The following ABCA13 variants were observed in gnomAD, a reference collection of about 807,000 sequenced individuals.
The protein encoded by ABCA13 is ATP-binding cassette sub-family A member 13.
ABCA13 carries 476 observed loss-of-function variants against 478.7 expected under a neutral mutation model. The ratio of observed to expected loss-of-function variants is 0.99; its 90% confidence interval spans 0.92 to 1.07. The LOEUF (loss-of-function observed/expected upper bound fraction) is 1.07, where lower values mean the gene tolerates loss of function less well. ABCA13 is among the 50% of genes least tolerant of loss of function. The pLI is 0.00. For missense variants in ABCA13, 6,060 were observed against 5,910.6 expected, an observed-to-expected ratio of 1.03 and a Z score of -0.83; for synonymous variants, 2,252 against 2,158.9, an observed-to-expected ratio of 1.04 and a Z score of -1.20.
At chr7:48,411,008 TTTCTTTC>T in intron 40 of ABCA13, among the ~76,000 whole-genome samples, 1 of 113,072 alleles carries the variant, frequency 8.8e-6, no homozygotes, top group East Asian at 2.7e-4. Flanking sequence ...TCTTTCTTTC[TTTCTTTC>T]TTTCTTTCTT....
chr7:48,616,532 G>A (rs1792587831), intron 59 of ABCA13, among the ~76,000 whole-genome samples: 1 of 152,182 alleles, frequency 6.6e-6, no homozygotes, highest in African/African-American at 2.4e-5. Flanking sequence ...GCAGGACGAA[G>A]CACATGGGGA....
At chr7:48,640,925 A>T (rs894529015) in intron 59 of ABCA13, among the ~76,000 whole-genome samples, 3 of 152,172 alleles carry the variant, frequency 2.0e-5, no homozygotes, top group Non-Finnish European at 2.9e-5. Flanking sequence ...TGTTTCAGGC[A>T]TATTTTCTCT....
At position 48,412,336 on chromosome 7, in the gene ABCA13, CT is replaced by C. The variant is rs78680236; in HGVS notation, c.12229-9del. 4.4e-6 allele frequency: 7 copies of C among 1,575,232 alleles called. No homozygotes were observed. The highest frequency in any genetic ancestry group is 3.5e-5 in the South Asian group (3 of 86,308). On this transcript the variant is annotated splice_polypyrimidine_tract_variant and intron_variant, in intron 40 of 61. Transcript: ENST00000435803. ...ACATTCCTTACTGGCTTCTTTTTTC[CT>C]TTTTTTTATGGATAGCCTTCTGTTC...
intron 38 of ABCA13, among the ~76,000 whole-genome samples, chr7:48,399,518 A>G (rs1329539940): frequency 6.6e-6 from 1 of 152,210 alleles, no homozygotes; most frequent in Non-Finnish European, 1.5e-5. Flanking sequence ...ACTAGTCAGA[A>G]GAGGATGCAT....
At chr7:48,202,244 T>G (rs1798870105) in intron 3 of ABCA13, among the ~76,000 whole-genome samples, 1 of 152,178 alleles carries the variant, frequency 6.6e-6, no homozygotes, top group Non-Finnish European at 1.5e-5. Context: ...TCCTGCTGAT[T>G]GGTAGAGCCG....
At chr7:48,629,316 G>A (rs1793946812) in intron 59 of ABCA13, among the ~76,000 whole-genome samples, 1 of 152,094 alleles carries the variant, frequency 6.6e-6, no homozygotes, top group Non-Finnish European at 1.5e-5. Context: ...TGTAAATATA[G>A]CCTAGGCACA....
chr7:48,253,853 A>G (rs139147446), intron 15 of ABCA13, among the ~76,000 whole-genome samples: 38 of 152,188 alleles, frequency 2.5e-4, no homozygotes, highest in African/African-American at 9.2e-4. Flanking sequence ...TCTTTGAACA[A>G]TTCCATATTA....
In ABCA13 at chr7:48,248,373, G is replaced by A. The variant is rs754466982; in HGVS notation, c.1794G>A (p.Leu598=). 20 of 1,613,646 alleles carry A rather than the reference G, an allele frequency of 1.2e-5. No individual in the cohort carries two copies. The African/African-American group carries it at 2.0e-4, about 16-fold the overall frequency. ...ASLSCTRLFL[L]LGADPSPEND... The stretch of plus-strand genomic sequence containing the variant: ...TTTCCTGTACTCGGCTCTTCCTGCT[G>A]CTGGGAGCTGATCCCTCTCCTGAGA... Residue 598 remains leucine (L), a synonymous_variant, in exon 14 of 62, where the codon CTG becomes CTA. Transcript: ENST00000435803.
chr7:48,301,483 C>T (rs1172682285), intron 23 of ABCA13, among the ~76,000 whole-genome samples: 1 of 151,090 alleles, frequency 6.6e-6, no homozygotes, highest in East Asian at 1.9e-4. Flanking sequence ...CTTGGTGAAA[C>T]TCATTTCAGA....
chr7:48,236,581 C>T (rs1175588884), intron 8 of ABCA13, among the ~76,000 whole-genome samples: 1 of 152,216 alleles, frequency 6.6e-6, no homozygotes, highest in African/African-American at 2.4e-5. Context: ...TCATCAAAGC[C>T]AGCAATGGCA....
At chr7:48,184,275 T>C (rs1329207472) in intron 1 of ABCA13, among the ~76,000 whole-genome samples, 1 of 152,208 alleles carries the variant, frequency 6.6e-6, no homozygotes, top group Admixed American at 6.5e-5. Context: ...AATTCTATCA[T>C]TTCCTACTAT....
intron 6 of ABCA13, 154 bp downstream of exon 6, chr7:48,227,579 G>T: frequency 1.2e-6 from 1 of 842,958 alleles, no homozygotes; most frequent in Non-Finnish European, 1.8e-6. Flanking sequence ...CTCCACGAAC[G>T]TCCCTCATCT....
chr7:48,444,065 G>C (rs1030316884), intron 42 of ABCA13, among the ~76,000 whole-genome samples: 3 of 152,138 alleles, frequency 2.0e-5, no homozygotes, highest in African/African-American at 7.2e-5. Flanking sequence ...AGGTGAGGCT[G>C]ATTTCTTTGC....
chr7:48,504,260 T>G lies in ABCA13; in HGVS notation c.13292-2076T>G, dbSNP rs144990742. On this transcript the variant is annotated intron_variant, in intron 48 of 61. Transcript: ENST00000435803. ...TGGGTTTCACTTTAAAGGAGATCTG[T>G]GTCTAGGTAAAGAATATGGGCTCTA... is the stretch of plus-strand genomic sequence containing the variant. 6.2e-3 allele frequency among the ~76,000 whole-genome samples: 945 copies of G among 152,258 alleles called. 9 individuals are homozygous for G. The highest frequency in any genetic ancestry group is 0.022 in the African/African-American group (902 of 41,544).
At chr7:48,608,025 C>T (rs574071998) in intron 58 of ABCA13, among the ~76,000 whole-genome samples, 9 of 152,240 alleles carry the variant, frequency 5.9e-5, no homozygotes, top group South Asian at 4.2e-4. Context: ...GGATTACAGG[C>T]GCCTGCCACC....
chr7:48,228,703 G>A (rs1678287538), intron 6 of ABCA13, among the ~76,000 whole-genome samples: 1 of 152,194 alleles, frequency 6.6e-6, no homozygotes, highest in Non-Finnish European at 1.5e-5. Flanking sequence ...TTTCCAAGTT[G>A]TTATGAAGAT....
intron 39 of ABCA13, chr7:48,404,351 C>A: frequency 5.3e-6 from 1 of 189,308 alleles, no homozygotes; most frequent in Non-Finnish European, 1.1e-5. Flanking sequence ...TTGTTTCTTT[C>A]CAATTTAGGA....
At chr7:48,388,809 T>C (rs1815590895) in intron 36 of ABCA13, among the ~76,000 whole-genome samples, 1 of 152,198 alleles carries the variant, frequency 6.6e-6, no homozygotes, top group South Asian at 2.1e-4. Flanking sequence ...TTTTTATTTT[T>C]TACAAAATGG....
chr7:48,414,100 A>C (rs1033141237), intron 41 of ABCA13, among the ~76,000 whole-genome samples: 4 of 152,256 alleles, frequency 2.6e-5, no homozygotes, highest in Non-Finnish European at 5.9e-5. Context: ...AAGCAGCCTA[A>C]TAAACACACA....
Sources: gnomAD v4.1 joint callset for allele counts (sites outside exome capture counted in the v4.1 genomes callset) on GRCh38, gnomAD v4.1.1 for gene constraint, MANE v1.5 for transcripts, NCBI Gene and HGNC (gene_info 2026-07-23, HGNC 2026-07-21) for gene names.